Variants in BCKDHB observed in about 807,000 individuals in gnomAD.
BCKDHB encodes branched chain keto acid dehydrogenase E1 subunit beta.
BCKDHB carries 41 observed loss-of-function variants against 48.5 expected under a neutral mutation model. The observed-to-expected ratio is 0.85, with a 90% CI of 0.66 to 1.10. BCKDHB has a LOEUF of 1.10. Ranked by LOEUF, BCKDHB falls within the 50% of genes least tolerant of loss-of-function variation. The probability of loss-of-function intolerance (pLI) is 0.00; values close to 1 mark genes in which losing one functional copy is unlikely to be tolerated. For missense variants in BCKDHB, 496 were observed against 494.2 expected (o/e 1.00, Z -0.03); for synonymous variants, 201 against 174.8 (o/e 1.15, Z -1.18).
intron 8 of BCKDHB, among the ~76,000 whole-genome samples, chr6:80,272,629 A>G (rs993001023): frequency 2.0e-5 from 3 of 152,140 alleles, no homozygotes; most frequent in Non-Finnish European, 4.4e-5. Context: ...TTAACGAAGG[A>G]GGTTTACTTT....
At chr6:80,424,860 G>T in the BCKDHB span, among the ~76,000 whole-genome samples, 6 of 152,194 alleles carry the variant, frequency 3.9e-5, no homozygotes, top group Non-Finnish European at 8.8e-5. Context: ...CCATTGCTAG[G>T]TTCCTAGCAT....
At chr6:80,167,867 C>G (rs921986157) in intron 4 of BCKDHB, 56 bp downstream of exon 4, 6 of 1,544,552 alleles carry the variant, frequency 3.9e-6, no homozygotes, top group Non-Finnish European at 5.3e-6. Context: ...CAAGTATTGC[C>G]GCTACCCTTC....
the BCKDHB span, among the ~76,000 whole-genome samples, chr6:80,453,476 A>G: frequency 6.6e-5 from 10 of 152,178 alleles, no homozygotes; most frequent in Non-Finnish European, 8.8e-5. Flanking sequence ...TAGGACCACA[A>G]TGTGAAAAAC....
At chr6:80,414,060 G>A in the BCKDHB span, among the ~76,000 whole-genome samples, 1 of 151,736 alleles carries the variant, frequency 6.6e-6, no homozygotes, top group Admixed American at 6.6e-5. Flanking sequence ...GTGATGTTGA[G>A]TTTTTCTTCA....
At chr6:80,391,774 G>A in the BCKDHB span, among the ~76,000 whole-genome samples, 3 of 152,020 alleles carry the variant, frequency 2.0e-5, no homozygotes, top group African/African-American at 4.8e-5. Flanking sequence ...CTACAAATTG[G>A]CAAGGCATAA....
chr6:80,180,688 G>A (rs1773371384), intron 6 of BCKDHB, among the ~76,000 whole-genome samples: 1 of 152,124 alleles, frequency 6.6e-6, no homozygotes, highest in Non-Finnish European at 1.5e-5. Context: ...TGTACTAATT[G>A]TGTATGAATT....
At chr6:80,442,919 A>G in the BCKDHB span, among the ~76,000 whole-genome samples, 4 of 152,218 alleles carry the variant, frequency 2.6e-5, no homozygotes, top group Admixed American at 2.6e-4. Context: ...TGTAATGTGG[A>G]AATGAGCAGC....
chr6:80,296,678 TGC>T (rs1767269631), intron 9 of BCKDHB, among the ~76,000 whole-genome samples: 1 of 152,166 alleles, frequency 6.6e-6, no homozygotes, highest in South Asian at 2.1e-4. Flanking sequence ...AGCAGATCAG[TGC>T]TATGAAAAAC....
the BCKDHB span, among the ~76,000 whole-genome samples, chr6:80,354,776 A>G: frequency 6.6e-6 from 1 of 152,074 alleles, no homozygotes; most frequent in Non-Finnish European, 1.5e-5. Context: ...TCCTTTGTGT[A>G]TGTTTTTATT....
At chr6:80,314,267 G>T (rs774346189) in intron 9 of BCKDHB, among the ~76,000 whole-genome samples, 2 of 152,188 alleles carry the variant, frequency 1.3e-5, no homozygotes, top group Admixed American at 6.5e-5. Flanking sequence ...TACCTATCAG[G>T]TCTGCTTGAG....
At chr6:80,125,273 T>G (rs968158619) in intron 1 of BCKDHB, among the ~76,000 whole-genome samples, 3 of 152,192 alleles carry the variant, frequency 2.0e-5, no homozygotes, top group African/African-American at 7.2e-5. Context: ...TCAGCTTTCA[T>G]AGAATTGAAA....
chr6:80,401,079 A>G, the BCKDHB span, among the ~76,000 whole-genome samples: 77 of 150,362 alleles, frequency 5.1e-4, no homozygotes, highest in Admixed American at 9.2e-4. Context: ...AAGGGTGGGA[A>G]GAGGGAGAAG....
At chr6:80,320,097 G>A (rs1390826873) in intron 9 of BCKDHB, among the ~76,000 whole-genome samples, 1 of 151,982 alleles carries the variant, frequency 6.6e-6, no homozygotes, top group African/African-American at 2.4e-5. Context: ...TTATAAATAA[G>A]TTATTTTTCC....
At chr6:80,415,221 G>T in the BCKDHB span, among the ~76,000 whole-genome samples, 1 of 152,246 alleles carries the variant, frequency 6.6e-6, no homozygotes, top group Admixed American at 6.5e-5. Flanking sequence ...GGGATGGTTT[G>T]ACTTCCTCTT....
chr6:80,136,716 A>G (rs1034078914), intron 3 of BCKDHB, among the ~76,000 whole-genome samples: 4 of 152,154 alleles, frequency 2.6e-5, no homozygotes, highest in Admixed American at 2.6e-4. Context: ...ATAAGAGATT[A>G]ATATCCAGAA....
chr6:80,366,400 A>G, the BCKDHB span, among the ~76,000 whole-genome samples: 1 of 152,198 alleles, frequency 6.6e-6, no homozygotes, highest in South Asian at 2.1e-4. Flanking sequence ...GTCTAGTGCA[A>G]CCCTAGCACA....
chr6:80,460,562 T>C, the BCKDHB span, among the ~76,000 whole-genome samples: 1 of 152,172 alleles, frequency 6.6e-6, no homozygotes, highest in Non-Finnish European at 1.5e-5. Flanking sequence ...AAGCCCTTTT[T>C]GTTCAGGAAA....
chr6:80,316,033 G>C (rs1221327398), intron 9 of BCKDHB, among the ~76,000 whole-genome samples: 1 of 152,154 alleles, frequency 6.6e-6, no homozygotes, highest in Non-Finnish European at 1.5e-5. Flanking sequence ...ATCTTTCGGG[G>C]ATCTTCCTCC....
intron 9 of BCKDHB, among the ~76,000 whole-genome samples, chr6:80,305,043 A>G (rs1439544122): frequency 6.6e-6 from 1 of 152,154 alleles, no homozygotes; most frequent in South Asian, 2.1e-4. Flanking sequence ...GTCCTAGGAC[A>G]GGAGGTAAAA....
Sources: gnomAD v4.1 joint callset for allele counts (sites outside exome capture counted in the v4.1 genomes callset) on GRCh38, gnomAD v4.1.1 for gene constraint, MANE v1.5 for transcripts, NCBI Gene and HGNC (gene_info 2026-07-23, HGNC 2026-07-21) for gene names.